The following CSMD1 variants were observed in gnomAD, a reference collection of about 807,000 sequenced individuals.
The protein encoded by CSMD1 is CUB and Sushi multiple domains 1, also known as CUB and sushi domain-containing protein 1.
Under a neutral mutation model 417.5 loss-of-function variants are expected in CSMD1, and 213 were observed. That is an observed-to-expected ratio of 0.51 (90% confidence interval 0.46 to 0.57). The LOEUF (loss-of-function observed/expected upper bound fraction) is 0.57, where lower values mean the gene tolerates loss of function less well. CSMD1 is among the 20% of genes least tolerant of loss of function. CSMD1 has a pLI of 0.00. For synonymous variants in CSMD1, 2,862 were observed against 1,736.8 expected (o/e 1.65, Z -16.11); for missense variants, 6,923 against 4,529.7 (o/e 1.53, Z -15.17).
At position 4,718,224 on chromosome 8, in the gene CSMD1, G is replaced by T. The variant is rs575575111; in HGVS notation, c.86-80666C>A. On this transcript the variant is annotated intron_variant, in intron 1 of 69. Transcript: ENST00000635120. Reference sequence around the variant, plus strand: ...ACTCCTGGGCTTAAGTGATTCTCCTGTCTCAGCCTCCCAAAATGTTGGGAT... The same window carrying T: ...ACTCCTGGGCTTAAGTGATTCTCCTTTCTCAGCCTCCCAAAATGTTGGGAT... 3.3e-5 allele frequency among the ~76,000 whole-genome samples: 5 copies of T among 152,268 alleles called. No homozygotes were observed. The South Asian group carries it at 1.0e-3, about 32-fold the overall frequency.
chr8:3,534,872 T>G (rs1440762896), intron 10 of CSMD1, among the ~76,000 whole-genome samples: 1 of 152,214 alleles, frequency 6.6e-6, no homozygotes, highest in Non-Finnish European at 1.5e-5. Flanking sequence ...ATCAACCATC[T>G]GGGAGCTACT....
At chr8:3,475,924 A>C (rs1425599269) in intron 11 of CSMD1, among the ~76,000 whole-genome samples, 1 of 152,264 alleles carries the variant, frequency 6.6e-6, no homozygotes, top group Non-Finnish European at 1.5e-5. Flanking sequence ...AAGATACAGT[A>C]ACTTTATGAT....
intron 1 of CSMD1, among the ~76,000 whole-genome samples, chr8:4,906,323 A>G (rs927843340): frequency 6.6e-6 from 1 of 152,210 alleles, no homozygotes; most frequent in African/African-American, 2.4e-5. Context: ...TGCTTTATTA[A>G]GTATTATTTT....
chr8:2,999,864 T>C, intron 53 of CSMD1, 94 bp downstream of exon 53: 1 of 1,078,124 alleles, frequency 9.3e-7, no homozygotes, highest in Non-Finnish European at 1.3e-6. Flanking sequence ...CCTTTTACAG[T>C]GAAGATTAAA....
At chr8:3,612,736 G>C (rs1486840076) in intron 8 of CSMD1, among the ~76,000 whole-genome samples, 1 of 152,042 alleles carries the variant, frequency 6.6e-6, no homozygotes, top group Non-Finnish European at 1.5e-5. Context: ...GCAGGAAAAT[G>C]AAAACACAGC....
At chr8:3,551,611 T>C (rs1014632706) in intron 10 of CSMD1, among the ~76,000 whole-genome samples, 14 of 147,276 alleles carry the variant, frequency 9.5e-5, no homozygotes, top group Admixed American at 8.8e-4. Flanking sequence ...TTTTTTTTTT[T>C]TTTCTGAAGA....
chr8:3,989,042 C>G, intron 5 of CSMD1, among the ~76,000 whole-genome samples: 1 of 152,132 alleles, frequency 6.6e-6, no homozygotes, highest in East Asian at 1.9e-4. Flanking sequence ...AAAAGTTTTT[C>G]TTTTTCATTG....
intron 7 of CSMD1, among the ~76,000 whole-genome samples, chr8:3,667,452 C>T (rs1355930850): frequency 6.6e-6 from 1 of 151,960 alleles, no homozygotes; most frequent in Non-Finnish European, 1.5e-5. Flanking sequence ...TTGGCAAGGC[C>T]TTGGGGCACT....
chr8:4,506,491 A>C (rs1035716262), intron 2 of CSMD1, among the ~76,000 whole-genome samples: 2 of 152,104 alleles, frequency 1.3e-5, no homozygotes, highest in Non-Finnish European at 2.9e-5. Flanking sequence ...CTCTTCATTC[A>C]GAAACAATGG....
At chr8:4,194,666 A>G (rs1799227147) in intron 3 of CSMD1, among the ~76,000 whole-genome samples, 1 of 152,192 alleles carries the variant, frequency 6.6e-6, no homozygotes, top group South Asian at 2.1e-4. Flanking sequence ...AACATTTAAT[A>G]AAATGGGGAA....
chr8:4,082,513 A>G (rs1356803609), intron 3 of CSMD1, among the ~76,000 whole-genome samples: 1 of 152,206 alleles, frequency 6.6e-6, no homozygotes, highest in African/African-American at 2.4e-5. Context: ...TCAAAGACCT[A>G]AAAAATAAAA....
intron 5 of CSMD1, among the ~76,000 whole-genome samples, chr8:3,838,490 T>TATATAGCCTAGGCTATATATAATATA (rs1802853719): frequency 6.9e-6 from 1 of 144,332 alleles, no homozygotes; most frequent in African/African-American, 2.6e-5. Context: ...AGCCTATAGA[T>TATATAGCCTAGGCTATATATAATATA]ATATAGCCTA....
chr8:3,549,385 T>C (rs189796439), intron 10 of CSMD1, among the ~76,000 whole-genome samples: 7 of 152,336 alleles, frequency 4.6e-5, no homozygotes, highest in Admixed American at 1.3e-4. Context: ...TAGGCCTTAT[T>C]CTACTCTGGC....
chr8:3,142,323 C>G (rs1349498889), intron 41 of CSMD1, 142 bp downstream of exon 41: 3 of 762,608 alleles, frequency 3.9e-6, no homozygotes, highest in Non-Finnish European at 6.4e-6. Flanking sequence ...TGTTCCACTA[C>G]TAACCAGAAA....
chr8:3,366,199 A>G (rs17063101), intron 20 of CSMD1, among the ~76,000 whole-genome samples: 4,591 of 152,234 alleles, frequency 0.03, 94 homozygotes, highest in East Asian at 0.08. Context: ...GATTGTTCCC[A>G]TCCTTTGGCA....
chr8:4,932,910 C>T (rs1160877764), intron 1 of CSMD1, among the ~76,000 whole-genome samples: 2 of 152,120 alleles, frequency 1.3e-5, no homozygotes, highest in Non-Finnish European at 2.9e-5. Context: ...AAAATTGCTG[C>T]CTAATAGTGA....
At chr8:4,197,577 G>C (rs1011409783) in intron 3 of CSMD1, among the ~76,000 whole-genome samples, 1 of 152,088 alleles carries the variant, frequency 6.6e-6, no homozygotes, top group African/African-American at 2.4e-5. Flanking sequence ...GAGAGCCCTG[G>C]CTAATAAAAA....
At chr8:4,643,099 G>T (rs926157536) in intron 1 of CSMD1, among the ~76,000 whole-genome samples, 1 of 152,182 alleles carries the variant, frequency 6.6e-6, no homozygotes, top group East Asian at 1.9e-4. Context: ...AGTCCAGGCA[G>T]AAGCCATATT....
At chr8:3,943,068 A>T (rs1424893445) in intron 5 of CSMD1, among the ~76,000 whole-genome samples, 1 of 152,080 alleles carries the variant, frequency 6.6e-6, no homozygotes, top group African/African-American at 2.4e-5. Context: ...ATGCAATAAA[A>T]TCTCTCTATT....
Sources: gnomAD v4.1 joint callset for allele counts (sites outside exome capture counted in the v4.1 genomes callset) on GRCh38, gnomAD v4.1.1 for gene constraint, MANE v1.5 for transcripts, NCBI Gene and HGNC (gene_info 2026-07-23, HGNC 2026-07-21) for gene names.